HIBADH: variants seen among roughly 807,000 people sequenced by gnomAD.
HIBADH encodes the protein 3-hydroxyisobutyrate dehydrogenase.
In HIBADH, 25 loss-of-function variants were observed where a neutral mutation model predicts 36.1. That is an observed-to-expected ratio of 0.69 (90% CI 0.50 to 0.97). HIBADH has a LOEUF of 0.97. Among genes scored for constraint, HIBADH ranks in the 50% least tolerant of loss-of-function variants. HIBADH has a pLI of 0.00. For missense variants in HIBADH, 421 were observed against 418.0 expected (o/e 1.01, Z -0.06); for synonymous variants, 160 against 149.5 (o/e 1.07, Z -0.51).
chr7:27,625,240 C>A (rs1583605387), intron 4 of HIBADH, among the ~76,000 whole-genome samples: 1 of 152,118 alleles, frequency 6.6e-6, no homozygotes, highest in Non-Finnish European at 1.5e-5. Context: ...TTTCTTTATA[C>A]AAAGGTTCGT....
chr7:27,621,569 A>C (rs1446744033), intron 4 of HIBADH, among the ~76,000 whole-genome samples: 1 of 152,174 alleles, frequency 6.6e-6, no homozygotes, highest in Non-Finnish European at 1.5e-5. Flanking sequence ...AGGCAGGCAG[A>C]TCACTTGAGG....
chr7:27,632,303 A>C, intron 3 of HIBADH, 33 bp downstream of exon 3: 2 of 1,359,750 alleles, frequency 1.5e-6, no homozygotes, highest in Non-Finnish European at 2.1e-6. Context: ...AACTATCATA[A>C]CAAGAAAATA....
intron 4 of HIBADH, among the ~76,000 whole-genome samples, chr7:27,557,285 G>A (rs1177597758): frequency 6.6e-6 from 1 of 151,650 alleles, no homozygotes; most frequent in Non-Finnish European, 1.5e-5. Context: ...GCTTTTCCAA[G>A]CAGATAAGTG....
chr7:27,638,308 C>A (rs1457088417), intron 2 of HIBADH, among the ~76,000 whole-genome samples: 670 of 55,184 alleles, frequency 0.012, no homozygotes, highest in Middle Eastern at 0.018. Flanking sequence ...TTGGCAAAGT[C>A]AAAAAAAAAA....
chr7:27,655,953 C>CA (rs772323974), intron 1 of HIBADH, among the ~76,000 whole-genome samples: 8 of 150,460 alleles, frequency 5.3e-5, no homozygotes, highest in African/African-American at 1.5e-4. Flanking sequence ...GGTAATTTGG[C>CA]AAAAAAAAAT....
chr7:27,527,990 T>C (rs1170058713), intron 7 of HIBADH, among the ~76,000 whole-genome samples: 2 of 142,262 alleles, frequency 1.4e-5, no homozygotes, highest in Non-Finnish European at 3.0e-5. Context: ...TTCAAACTCC[T>C]AACTTCAGGT....
At chr7:27,552,017 AG>A (rs527582876) in intron 4 of HIBADH, among the ~76,000 whole-genome samples, 9 of 152,336 alleles carry the variant, frequency 5.9e-5, no homozygotes, top group African/African-American at 2.2e-4. Context: ...TCGCAGAAAA[AG>A]GCGACAGCTG....
intron 4 of HIBADH, among the ~76,000 whole-genome samples, chr7:27,582,369 T>G (rs953166023): frequency 1.3e-5 from 2 of 152,162 alleles, no homozygotes; most frequent in Non-Finnish European, 2.9e-5. Context: ...CCCTGGTCTC[T>G]GCTGGGGATG....
intron 1 of HIBADH, among the ~76,000 whole-genome samples, chr7:27,660,641 G>C (rs1054398115): frequency 6.6e-6 from 1 of 151,712 alleles, no homozygotes; most frequent in Non-Finnish European, 1.5e-5. Context: ...CTCTAGCCTG[G>C]GCGACAGACA....
intron 4 of HIBADH, among the ~76,000 whole-genome samples, chr7:27,625,788 G>A (rs1456899695): frequency 1.3e-5 from 2 of 152,188 alleles, no homozygotes; most frequent in African/African-American, 4.8e-5. Flanking sequence ...AATATAGCGT[G>A]ATGTGGGCTC....
Position 27,560,569 on chromosome 7 carries a change from A to G in HIBADH, c.485-17469T>C, listed in dbSNP as rs112829023. Among the ~76,000 whole-genome samples, 1,084 of 152,322 alleles carry G rather than the reference A, an allele frequency of 7.1e-3. 13 individuals carry two copies. Among genetic ancestry groups the G allele is most frequent in the African/African-American group, 0.025 (1,023 of 41,572 alleles). On this transcript the variant is annotated intron_variant, in intron 4 of 7. Coordinates refer to ENST00000265395, the MANE Select transcript of HIBADH (RefSeq NM_152740.4). ...TGTATATTGTACCCAAAATAAATAT[A>G]TCGTTGTTTCTTCTTTTATTGTTAG...
chr7:27,565,559 A>T (rs993949152), intron 4 of HIBADH, among the ~76,000 whole-genome samples: 2 of 152,346 alleles, frequency 1.3e-5, no homozygotes, highest in Admixed American at 6.5e-5. Context: ...ACTGTTTATA[A>T]GCATTTACTT....
At chr7:27,577,138 T>C (rs1784722116) in intron 4 of HIBADH, among the ~76,000 whole-genome samples, 1 of 151,770 alleles carries the variant, frequency 6.6e-6, no homozygotes, top group South Asian at 2.1e-4. Context: ...TACAGCACAT[T>C]TGTGAACTTT....
chr7:27,650,813 A>C (rs1181767294), intron 1 of HIBADH, among the ~76,000 whole-genome samples: 1 of 152,104 alleles, frequency 6.6e-6, no homozygotes, highest in Non-Finnish European at 1.5e-5. Flanking sequence ...CATATGAATC[A>C]AAGTAATGCG....
At chr7:27,601,914 T>TGGGAG (rs1785136628) in intron 4 of HIBADH, among the ~76,000 whole-genome samples, 1 of 152,032 alleles carries the variant, frequency 6.6e-6, no homozygotes, top group South Asian at 2.1e-4. Flanking sequence ...GGGTATTGTG[T>TGGGAG]GGGAGTGGGG....
At chr7:27,585,258 CGTGTGTAT>C (rs1436333943) in intron 4 of HIBADH, among the ~76,000 whole-genome samples, 1 of 113,800 alleles carries the variant, frequency 8.8e-6, no homozygotes, top group East Asian at 1.7e-3. Flanking sequence ...TATATACACA[CGTGTGTAT>C]GTATGTGTAT....
intron 2 of HIBADH, 129 bp downstream of exon 2, chr7:27,649,344 T>C (rs913577139): frequency 9.8e-6 from 6 of 614,096 alleles, no homozygotes; most frequent in African/African-American, 7.5e-5. Flanking sequence ...TGATTACATA[T>C]ATATAAAATT....
intron 4 of HIBADH, among the ~76,000 whole-genome samples, chr7:27,569,157 C>A (rs189380965): frequency 6.6e-6 from 1 of 152,212 alleles, no homozygotes; most frequent in African/African-American, 2.4e-5. Context: ...CTTCAAATTT[C>A]TAATTATTGT....
intron 4 of HIBADH, among the ~76,000 whole-genome samples, chr7:27,563,494 G>C (rs1205033075): frequency 6.6e-6 from 1 of 152,190 alleles, no homozygotes; most frequent in African/African-American, 2.4e-5. Flanking sequence ...CAAAGTGGTT[G>C]TGCTATTTTG....
Sources: allele counts gnomAD v4.1 joint callset (sites outside exome capture counted in the v4.1 genomes callset), GRCh38; gene constraint gnomAD v4.1.1; transcripts MANE v1.5; gene names NCBI Gene and HGNC (gene_info 2026-07-23, HGNC 2026-07-21).